Variants in NID2 observed in about 807,000 individuals in gnomAD.
NID2 encodes nidogen 2, also known as nidogen-2.
A neutral mutation model predicts 145.4 loss-of-function variants in NID2; 83 were observed. The ratio of observed to expected loss-of-function variants is 0.57; its 90% CI spans 0.48 to 0.69. The LOEUF is 0.69. NID2 is among the 30% of genes least tolerant of loss of function. The pLI is 0.00. For synonymous variants in NID2, 739 were observed against 701.3 expected (o/e 1.05, Z -0.85); for missense variants, 1,807 against 1,765.7 (o/e 1.02, Z -0.42).
intron 13 of NID2, 145 bp from the exon 14 acceptor site, chr14:52,019,439 T>C (rs887022948): frequency 1.1e-5 from 7 of 624,264 alleles, no homozygotes; most frequent in African/African-American, 9.2e-5. Context: ...TGCCACTATT[T>C]ACCTCATTTC....
In NID2 at chr14:52,033,501, A is replaced by G. The variant is rs116910007; in HGVS notation, c.2258-3811T>C. Among the ~76,000 whole-genome samples the G allele has an allele frequency of 4.1e-3, 630 of 152,346 alleles. 9 individuals are homozygous for G. Among genetic ancestry groups the G allele is most frequent in the Middle Eastern group, 0.01 (3 of 294 alleles). On this transcript the variant is annotated intron_variant, in intron 9 of 21. Coordinates refer to ENST00000216286, the MANE Select transcript of NID2 (RefSeq NM_007361.4). ...GCTGGTTGAGAAGTCACCGAGGGAC[A>G]GAGGCTCCAATTACTCACTGGGAAA... is the stretch of plus-strand genomic sequence containing the variant.
intron 3 of NID2, among the ~76,000 whole-genome samples, chr14:52,054,817 T>G (rs1307697372): frequency 6.6e-6 from 1 of 152,256 alleles, no homozygotes; most frequent in East Asian, 1.9e-4. Flanking sequence ...CATACTGGAC[T>G]TTTGATGTGA....
intron 6 of NID2, 48 bp from the exon 7 acceptor site, chr14:52,042,398 G>T (rs761705094): frequency 4.5e-6 from 7 of 1,564,322 alleles, no homozygotes; most frequent in Non-Finnish European, 6.1e-6. Flanking sequence ...CCTGGCTAGA[G>T]ATGGGTGTAC....
rs748618165 is a variant in NID2 at position 52,028,709 on chromosome 14, T to C, written c.2530+13A>G. ...CCATTTTGGCCACACAGGAAAATGA[T>C]TTTGGAACTCACAGATGCAAGTATG... On this transcript the variant is annotated intron_variant, in intron 11 of 21. Coordinates refer to ENST00000216286, the MANE Select transcript of NID2 (RefSeq NM_007361.4). The C allele has an allele frequency of 4.4e-6, 7 of 1,608,384 alleles. No individual in the cohort carries two copies. The South Asian group carries it at 7.8e-5, about 18-fold the overall frequency.
At chr14:52,020,705 A>G (rs560197132) in intron 12 of NID2, among the ~76,000 whole-genome samples, 70 of 152,308 alleles carry the variant, frequency 4.6e-4, no homozygotes, top group African/African-American at 1.7e-3. Flanking sequence ...TTAGAATCTT[A>G]CTATCTAGAA....
rs1354561403 is a variant in NID2 at position 52,015,089 on chromosome 14, T to C, written c.3215A>G (p.Gln1072Arg). The change falls in exon 15 of 22, where the codon CAG becomes CGG. Residue 1072 changes from glutamine (Q) to arginine (R), a missense_variant. By Grantham distance (43) the Gln-to-Arg change is conservative. Coordinates refer to ENST00000216286, the MANE Select transcript of NID2 (RefSeq NM_007361.4). ...GGTGCCTGGCTGGGAGCGGGTGCCC[T>C]GCACCTCTCTGCCATCTTTGTCCAC... ...WCVDKDGREV[Q>R]GTRSQPGTTP... 2 of 1,613,988 alleles carry C rather than the reference T, an allele frequency of 1.2e-6. No homozygotes were observed. The highest frequency in any genetic ancestry group is 2.2e-5 in the East Asian group (1 of 44,870).
At chr14:52,014,530 C>G (rs989999275) in intron 15 of NID2, 74 bp from the exon 16 acceptor site, 4 of 1,454,372 alleles carry the variant, frequency 2.8e-6, no homozygotes, top group Non-Finnish European at 3.7e-6. Flanking sequence ...AGTTACTTTA[C>G]CACATACCAG....
chr14:52,018,056 A>G (rs1891277845), intron 14 of NID2, among the ~76,000 whole-genome samples: 1 of 152,156 alleles, frequency 6.6e-6, no homozygotes, highest in South Asian at 2.1e-4. Flanking sequence ...TGACCTCGTG[A>G]TCCACCCGCC....
intron 7 of NID2, among the ~76,000 whole-genome samples, chr14:52,041,840 G>A (rs1386911229): frequency 6.6e-6 from 1 of 152,222 alleles, no homozygotes; most frequent in Non-Finnish European, 1.5e-5. Context: ...ATTGGGGTAA[G>A]AGGACACAAA....
chr14:52,066,661 C>G (rs1381279024), intron 2 of NID2, among the ~76,000 whole-genome samples: 1 of 152,170 alleles, frequency 6.6e-6, no homozygotes, highest in Non-Finnish European at 1.5e-5. Flanking sequence ...AGATAGAGAT[C>G]AGTGACATGG....
chr14:52,011,469 A>G, intron 17 of NID2, 85 bp downstream of exon 17: 1 of 1,562,586 alleles, frequency 6.4e-7, no homozygotes, highest in South Asian at 1.2e-5. Context: ...TAATGGAGAA[A>G]AATCGAGGGG....
intron 9 of NID2, among the ~76,000 whole-genome samples, chr14:52,034,301 G>A (rs115250885): frequency 0.038 from 1,875 of 49,254 alleles, 39 homozygotes; most frequent in African/African-American, 0.066. Context: ...GGACTCCATA[G>A]CCTGGGAAAT....
intron 3 of NID2, among the ~76,000 whole-genome samples, chr14:52,058,837 T>C (rs1892936202): frequency 6.6e-6 from 1 of 151,826 alleles, no homozygotes; most frequent in East Asian, 1.9e-4. Context: ...TAATAATAAA[T>C]CTATGGAATA....
chr14:52,044,390 C>T (rs1892403850), intron 5 of NID2, among the ~76,000 whole-genome samples: 1 of 144,170 alleles, frequency 6.9e-6, no homozygotes, highest in Non-Finnish European at 1.5e-5. Flanking sequence ...TTGCCTCAGC[C>T]TCCTGAGTAG....
At chr14:52,045,553 G>GAAA (rs34942105) in intron 5 of NID2, among the ~76,000 whole-genome samples, 2 of 33,628 alleles carry the variant, frequency 5.9e-5, no homozygotes, top group Admixed American at 3.0e-4. Context: ...ACTCAAGGCA[G>GAAA]AAAAAAAAAA....
intron 12 of NID2, among the ~76,000 whole-genome samples, chr14:52,022,282 A>G (rs1891429038): frequency 6.6e-6 from 1 of 152,202 alleles, no homozygotes; most frequent in African/African-American, 2.4e-5. Flanking sequence ...GACAGAAACT[A>G]TTAGAAATGA....
intron 2 of NID2, among the ~76,000 whole-genome samples, chr14:52,063,539 C>A (rs1893086386): frequency 6.6e-6 from 1 of 152,198 alleles, no homozygotes; most frequent in South Asian, 2.1e-4. Context: ...TTTTTCAATT[C>A]ATTTAATTAA....
At chr14:52,066,093 G>GTAAT (rs1377689018) in intron 2 of NID2, among the ~76,000 whole-genome samples, 2 of 152,138 alleles carry the variant, frequency 1.3e-5, no homozygotes, top group Non-Finnish European at 2.9e-5. Context: ...CTAGCAAATG[G>GTAAT]TAATGTCTGC....
intron 5 of NID2, among the ~76,000 whole-genome samples, chr14:52,050,485 CCTA>C (rs1175014040): frequency 1.3e-5 from 2 of 152,208 alleles, no homozygotes; most frequent in Non-Finnish European, 2.9e-5. Flanking sequence ...TCTCTGTCAC[CCTA>C]CAGCTTTCTC....
Sources: gnomAD v4.1 joint callset for allele counts (sites outside exome capture counted in the v4.1 genomes callset) on GRCh38, gnomAD v4.1.1 for gene constraint, MANE v1.5 for transcripts, NCBI Gene and HGNC (gene_info 2026-07-23, HGNC 2026-07-21) for gene names.